The following DAB1 variants were observed in gnomAD, a reference collection of about 807,000 sequenced individuals.
DAB1 encodes the protein disabled homolog 1.
In DAB1, 15 loss-of-function variants were observed where a neutral mutation model predicts 64.6. The observed-to-expected ratio is 0.23, with a 90% confidence interval of 0.16 to 0.36. The LOEUF (loss-of-function observed/expected upper bound fraction) is 0.36, where lower values mean the gene tolerates loss of function less well. Ranked by LOEUF, DAB1 falls within the 10% of genes least tolerant of loss-of-function variation. The probability of loss-of-function intolerance (pLI) is 1.00; values close to 1 mark genes in which losing one functional copy is unlikely to be tolerated. For synonymous variants in DAB1, 235 were observed against 251.9 expected, an observed-to-expected ratio of 0.93 and a Z score of 0.64; for missense variants, 596 against 706.7, an observed-to-expected ratio of 0.84 and a Z score of 1.78.
chr1:58,025,494 TTTTG>T (rs1217153027), intron 5 of DAB1, among the ~76,000 whole-genome samples: 5 of 151,308 alleles, frequency 3.3e-5, no homozygotes, highest in Admixed American at 3.3e-4. Flanking sequence ...GCTTCATAGA[TTTTG>T]TTTCTTTCTC....
intron 3 of DAB1, among the ~76,000 whole-genome samples, chr1:57,144,399 A>T (rs1208738231): frequency 1.3e-5 from 2 of 152,082 alleles, no homozygotes; most frequent in Non-Finnish European, 2.9e-5. Flanking sequence ...TATATTTAAA[A>T]AATTTCTAAT....
At chr1:57,556,511 T>A (rs1644990463) in intron 7 of DAB1, among the ~76,000 whole-genome samples, 1 of 152,206 alleles carries the variant, frequency 6.6e-6, no homozygotes, top group Non-Finnish European at 1.5e-5. Flanking sequence ...GGTTTTGATT[T>A]GCATTTCTCT....
chr1:57,976,772 T>A lies in DAB1; in HGVS notation n.388-92610A>T, dbSNP rs560018336. ...TTCAGCCAAGCAAGGAAATAAGTAATCTGTGAAGATGTAAAATGGGTGCCA... is the reference window on the plus strand; with the variant it reads ...TTCAGCCAAGCAAGGAAATAAGTAAACTGTGAAGATGTAAAATGGGTGCCA... On this transcript the variant is annotated intron_variant and non_coding_transcript_variant, in intron 5 of 20. Transcript: ENST00000485760. 2.0e-5 allele frequency among the ~76,000 whole-genome samples: 3 copies of A among 152,312 alleles called. No homozygotes were observed. In the South Asian group the frequency reaches 6.2e-4, roughly 32 times the overall value.
chr1:58,015,947 G>C (rs1295869537), intron 5 of DAB1, among the ~76,000 whole-genome samples: 2 of 152,064 alleles, frequency 1.3e-5, no homozygotes, highest in Non-Finnish European at 2.9e-5. Context: ...GTCATTTCCA[G>C]ATGAACTGCA....
intron 2 of DAB1, among the ~76,000 whole-genome samples, chr1:57,253,452 C>G (rs78078212): frequency 9.9e-5 from 15 of 152,158 alleles, no homozygotes; most frequent in African/African-American, 3.6e-4. Context: ...TATGATGAAC[C>G]AACCCTCCTA....
chr1:57,697,380 CT>C (rs1157324036), intron 6 of DAB1, among the ~76,000 whole-genome samples: 1 of 141,866 alleles, frequency 7.0e-6, no homozygotes, highest in Admixed American at 7.5e-5. Flanking sequence ...ATAAGCCTGC[CT>C]TGTGATAGTT....
At chr1:57,083,984 A>C (rs74545982) in intron 4 of DAB1, among the ~76,000 whole-genome samples, 3,011 of 152,326 alleles carry the variant, frequency 0.02, 105 homozygotes, top group African/African-American at 0.068. Context: ...CCTGGCACAA[A>C]GGTTGTTTAG....
chr1:57,398,036 G>A (rs978813312), intron 1 of DAB1, among the ~76,000 whole-genome samples: 5 of 152,004 alleles, frequency 3.3e-5, no homozygotes, highest in African/African-American at 9.7e-5. Flanking sequence ...CCCAATTCCT[G>A]GTAAAATTGT....
At chr1:58,162,216 A>T (rs1344460634) in intron 4 of DAB1, among the ~76,000 whole-genome samples, 2 of 152,186 alleles carry the variant, frequency 1.3e-5, no homozygotes, top group Non-Finnish European at 2.9e-5. Context: ...ATGCCAAAGG[A>T]CAGTGCTATA....
intron 7 of DAB1, among the ~76,000 whole-genome samples, chr1:57,548,308 T>A (rs2101468653): frequency 6.6e-6 from 1 of 152,270 alleles, no homozygotes; most frequent in African/African-American, 2.4e-5. Context: ...GAATCTCAGT[T>A]AACTTAATTG....
At chr1:57,567,748 T>C (rs888819076) in intron 7 of DAB1, among the ~76,000 whole-genome samples, 1 of 152,146 alleles carries the variant, frequency 6.6e-6, no homozygotes, top group South Asian at 2.1e-4. Context: ...CAAGGAGAAC[T>C]ACAAACCACT....
chr1:58,020,035 G>T (rs1646794187), intron 5 of DAB1, among the ~76,000 whole-genome samples: 1 of 152,046 alleles, frequency 6.6e-6, no homozygotes, highest in South Asian at 2.1e-4. Context: ...CTGAAATTTA[G>T]GAGTCCATAA....
chr1:57,157,134 A>C (rs1162654788), intron 2 of DAB1, among the ~76,000 whole-genome samples: 2 of 152,166 alleles, frequency 1.3e-5, no homozygotes, highest in African/African-American at 2.4e-5. Flanking sequence ...AATAAAAGTT[A>C]TTTCACATCC....
At chr1:57,946,429 T>C (rs1304184813) in intron 5 of DAB1, among the ~76,000 whole-genome samples, 4 of 152,192 alleles carry the variant, frequency 2.6e-5, no homozygotes, top group Non-Finnish European at 5.9e-5. Flanking sequence ...AAAATATAAA[T>C]TGTGCTGCCA....
At chr1:57,256,469 T>A (rs1287801603) in intron 2 of DAB1, among the ~76,000 whole-genome samples, 1 of 152,128 alleles carries the variant, frequency 6.6e-6, no homozygotes, top group Non-Finnish European at 1.5e-5. Context: ...TCCACCTCTC[T>A]GGTCTTCATT....
intron 7 of DAB1, among the ~76,000 whole-genome samples, chr1:57,499,357 T>C (rs187943175): frequency 6.6e-6 from 1 of 152,258 alleles, no homozygotes; most frequent in African/African-American, 2.4e-5. Flanking sequence ...GCAAAATCAT[T>C]TGCTGAGAGT....
intron 7 of DAB1, among the ~76,000 whole-genome samples, chr1:57,498,725 A>T (rs972687424): frequency 2.0e-5 from 3 of 152,240 alleles, no homozygotes; most frequent in African/African-American, 2.4e-5. Context: ...ATAGCTATGC[A>T]GTTAGGAGAG....
chr1:57,984,260 GAAAA>G lies in DAB1; in HGVS notation n.388-100102_388-100099del, dbSNP rs869201141. ...AGAAAGAAAGAAAGAAAGAAAGAAA[GAAAA>G]AAAATTAAACAGCCAAACCCATTGC... On this transcript the variant is annotated intron_variant and non_coding_transcript_variant, in intron 5 of 20. Coordinates refer to the DAB1 transcript ENST00000485760. 2.2e-3 allele frequency among the ~76,000 whole-genome samples: 297 copies of G among 134,142 alleles called. 2 individuals are homozygous for G. Among genetic ancestry groups the G allele is most frequent in the African/African-American group, 5.3e-3 (189 of 35,604 alleles). 88.0% of individuals were successfully genotyped at this position (134,142 alleles called of 152,430 possible).
At chr1:58,237,227 GT>G (rs1557708683) in intron 4 of DAB1, among the ~76,000 whole-genome samples, 1 of 152,160 alleles carries the variant, frequency 6.6e-6, no homozygotes, top group African/African-American at 2.4e-5. Flanking sequence ...ATTGAATGTA[GT>G]GAAATAAGTA....
Sources: gnomAD v4.1 joint callset for allele counts (sites outside exome capture counted in the v4.1 genomes callset) on GRCh38, gnomAD v4.1.1 for gene constraint, MANE v1.5 for transcripts, NCBI Gene and HGNC (gene_info 2026-07-23, HGNC 2026-07-21) for gene names.